KCNAB1: variants seen among roughly 807,000 people sequenced by gnomAD.
The protein encoded by KCNAB1 is voltage-gated potassium channel subunit beta-1.
KCNAB1 carries 35 observed loss-of-function variants against 64.6 expected under a neutral mutation model. The observed-to-expected ratio is 0.54, with a 90% confidence interval of 0.41 to 0.72. The LOEUF (loss-of-function observed/expected upper bound fraction) is 0.72, where lower values mean the gene tolerates loss of function less well. Ranked by LOEUF, KCNAB1 falls within the 30% of genes least tolerant of loss-of-function variation. The pLI is 0.00. For missense variants in KCNAB1, 401 were observed against 512.9 expected (o/e 0.78, Z 2.11); for synonymous variants, 177 against 183.8 (o/e 0.96, Z 0.30).
At chr3:156,223,662 C>A (rs1189081343) in intron 1 of KCNAB1, among the ~76,000 whole-genome samples, 1 of 152,162 alleles carries the variant, frequency 6.6e-6, no homozygotes, top group Non-Finnish European at 1.5e-5. Flanking sequence ...CAAGTTCCCA[C>A]CAGATCAGCT....
intron 8 of KCNAB1, among the ~76,000 whole-genome samples, chr3:156,483,447 A>G (rs1228471356): frequency 6.6e-6 from 1 of 152,080 alleles, no homozygotes; most frequent in Non-Finnish European, 1.5e-5. Context: ...ATATGTTGTC[A>G]ATATCACCTC....
intron 1 of KCNAB1, among the ~76,000 whole-genome samples, chr3:156,203,178 C>T (rs1714451325): frequency 6.6e-6 from 1 of 152,172 alleles, no homozygotes. Flanking sequence ...TATTCATGAC[C>T]ATCCATTAAT....
chr3:156,345,600 A>G (rs1345923030), intron 1 of KCNAB1, among the ~76,000 whole-genome samples: 1 of 152,256 alleles, frequency 6.6e-6, no homozygotes, highest in Non-Finnish European at 1.5e-5. Context: ...CCCATGTGCT[A>G]TAGCAGAGCA....
intron 1 of KCNAB1, among the ~76,000 whole-genome samples, chr3:156,295,704 T>G (rs1364732462): frequency 6.6e-6 from 1 of 152,230 alleles, no homozygotes; most frequent in African/African-American, 2.4e-5. Context: ...GGATTATTCC[T>G]TTCCTTAGAG....
chr3:156,457,113 G>A (rs1294508456), intron 3 of KCNAB1: 1 of 730,406 alleles, frequency 1.4e-6, no homozygotes, highest in African/African-American at 1.9e-5. Context: ...GTCACACAGT[G>A]ATACAAATGG....
chr3:156,279,041 G>A (rs1011264800), intron 1 of KCNAB1, among the ~76,000 whole-genome samples: 6 of 151,704 alleles, frequency 4.0e-5, no homozygotes, highest in Non-Finnish European at 8.8e-5. Context: ...ATGTATACAT[G>A]TGCCATGCTG....
intron 1 of KCNAB1, among the ~76,000 whole-genome samples, chr3:156,349,771 C>T (rs1364274330): frequency 6.6e-6 from 1 of 152,180 alleles, no homozygotes; most frequent in East Asian, 1.9e-4. Flanking sequence ...CACTATGTTG[C>T]CCAGGCTGGT....
At chr3:156,450,539 G>C (rs1711913502) in intron 2 of KCNAB1, among the ~76,000 whole-genome samples, 1 of 152,130 alleles carries the variant, frequency 6.6e-6, no homozygotes, top group Non-Finnish European at 1.5e-5. Context: ...TTGCTCATTA[G>C]ACTAACATTT....
chr3:156,280,239 G>T (rs1237475991), intron 1 of KCNAB1, among the ~76,000 whole-genome samples: 2,915 of 149,820 alleles, frequency 0.019, 98 homozygotes, highest in African/African-American at 0.069. Flanking sequence ...TTTCCCCATT[G>T]CTTGTTTTTG....
intron 12 of KCNAB1, among the ~76,000 whole-genome samples, chr3:156,530,626 C>T (rs1170085296): frequency 1.3e-5 from 2 of 152,076 alleles, no homozygotes; most frequent in East Asian, 1.9e-4. Context: ...AAGCCAAAAA[C>T]GCAGATGCAG....
intron 1 of KCNAB1, among the ~76,000 whole-genome samples, chr3:156,218,235 C>T (rs1233597612): frequency 1.3e-5 from 2 of 152,184 alleles, no homozygotes; most frequent in Admixed American, 6.5e-5. Context: ...TCCCCACTTC[C>T]CTGGTGACCC....
chr3:156,323,479 G>C (rs1040976495), intron 1 of KCNAB1, among the ~76,000 whole-genome samples: 1 of 152,060 alleles, frequency 6.6e-6, no homozygotes, highest in Non-Finnish European at 1.5e-5. Flanking sequence ...CATGTACTTG[G>C]TTTTATCTTC....
At chr3:156,152,228 G>T (rs1196542910) in intron 1 of KCNAB1, among the ~76,000 whole-genome samples, 1 of 152,214 alleles carries the variant, frequency 6.6e-6, no homozygotes, top group African/African-American at 2.4e-5. Flanking sequence ...TCCCCTGAGG[G>T]TGGGTGTTAG....
chr3:156,333,113 G>T (rs1408283184), intron 1 of KCNAB1, among the ~76,000 whole-genome samples: 1 of 152,012 alleles, frequency 6.6e-6, no homozygotes. Flanking sequence ...TCACTCCTTC[G>T]TCCTGTCTTA....
At chr3:156,519,536 C>T (rs1209170955) in intron 11 of KCNAB1, among the ~76,000 whole-genome samples, 1 of 152,204 alleles carries the variant, frequency 6.6e-6, no homozygotes, top group African/African-American at 2.4e-5. Flanking sequence ...TGTACCTTCT[C>T]TATTATTCCA....
chr3:156,379,942 G>T (rs919525537), intron 1 of KCNAB1, among the ~76,000 whole-genome samples: 6 of 152,164 alleles, frequency 3.9e-5, no homozygotes, highest in Admixed American at 3.9e-4. Context: ...GATGTAGTGT[G>T]TGAAATGGAA....
intron 1 of KCNAB1, among the ~76,000 whole-genome samples, chr3:156,257,883 C>G (rs1718192787): frequency 6.6e-6 from 1 of 152,070 alleles, no homozygotes; most frequent in African/African-American, 2.4e-5. Context: ...AAGAAGGGAC[C>G]AAGTAGCTGA....
chr3:156,530,234 A>T (rs1718610263), intron 12 of KCNAB1, among the ~76,000 whole-genome samples: 1 of 152,172 alleles, frequency 6.6e-6, no homozygotes, highest in Non-Finnish European at 1.5e-5. Flanking sequence ...CAAGTCCAAG[A>T]AAAGGCAAAA....
intron 2 of KCNAB1, among the ~76,000 whole-genome samples, chr3:156,438,275 G>C (rs554559564): frequency 6.6e-6 from 1 of 152,344 alleles, no homozygotes; most frequent in Admixed American, 6.5e-5. Flanking sequence ...GCTGCAGCAA[G>C]CACAGCCAGA....
Sources: allele counts gnomAD v4.1 joint callset (sites outside exome capture counted in the v4.1 genomes callset), GRCh38; gene constraint gnomAD v4.1.1; transcripts MANE v1.5; gene names NCBI Gene and HGNC (gene_info 2026-07-23, HGNC 2026-07-21).